Variants in ZNF282 observed in about 807,000 individuals in gnomAD.
The protein encoded by ZNF282 is HTLV-I U5 repressive element-binding protein 1.
A neutral mutation model predicts 61.9 loss-of-function variants in ZNF282; 30 were observed. The ratio of observed to expected loss-of-function variants is 0.48; its 90% CI spans 0.36 to 0.66. The LOEUF is 0.66. Among genes scored for constraint, ZNF282 ranks in the 30% least tolerant of loss-of-function variants. The pLI is 0.00. For synonymous variants in ZNF282, 396 were observed against 405.0 expected (o/e 0.98, Z 0.27); for missense variants, 788 against 941.4 (o/e 0.84, Z 2.13).
intron 7 of ZNF282, among the ~76,000 whole-genome samples, chr7:149,222,734 G>A (rs1418953006): frequency 2.6e-5 from 4 of 152,062 alleles, no homozygotes; most frequent in African/African-American, 4.8e-5. Flanking sequence ...TGCAACCTCC[G>A]CCTCCCAGGT....
chr7:149,204,119 A>G (rs73160375), intron 2 of ZNF282, among the ~76,000 whole-genome samples: 2,284 of 152,216 alleles, frequency 0.015, 24 homozygotes, highest in Middle Eastern at 0.054. Context: ...TCACTCACGT[A>G]CCTGTTGGTG....
Position 149,224,499 on chromosome 7 carries a change from T to C in ZNF282, c.1868T>C (p.Ile623Thr). The part of the protein sequence containing the change: ...RKQNLLKHQR[I>T]HTGERPYTCG... ...CAGAACCTGCTCAAGCACCAGCGCATCCACACGGGCGAGCGCCCCTACACG... is the reference window on the plus strand; with the variant it reads ...CAGAACCTGCTCAAGCACCAGCGCACCCACACGGGCGAGCGCCCCTACACG... The change falls in exon 8 of 8, where the codon ATC (isoleucine) becomes ACC (threonine). Residue 623 changes from isoleucine to threonine, a missense_variant. This residue lies in a region of ZNF282 where 559 missense variants were observed against 642.0 expected (regional missense o/e 0.87). Coordinates refer to ENST00000610704, the MANE Select transcript of ZNF282 (RefSeq NM_003575.4). 1 of 1,612,294 alleles carries C rather than the reference T, an allele frequency of 6.2e-7. No individual in the cohort carries two copies. Among genetic ancestry groups the C allele is most frequent in the Non-Finnish European group, 8.5e-7 (1 of 1,179,666 alleles).
In ZNF282 at chr7:149,195,633, T is replaced by G; in HGVS notation, c.44T>G (p.Ile15Ser). ...CGGCCGCAGCCTCAGCAGCTGGGCA[T>G]CCAGGGCCTGGGGCTGGACAGCGGG... is the stretch of plus-strand genomic sequence containing the variant. The part of the protein sequence containing the change: ...STRPQPQQLG[I>S]QGLGLDSGSW... Residue 15 changes from isoleucine to serine, a missense_variant, in exon 1 of 8, where the codon ATC becomes AGC. Ile to Ser is a moderately radical substitution (Grantham distance 142). Around this residue, in one of 3 missense-constraint regions of ZNF282, gnomAD observed 137 missense variants for 135.4 expected, o/e 1.01. Transcript: ENST00000610704. 6 of 1,609,808 alleles carry G rather than the reference T, an allele frequency of 3.7e-6. No homozygotes were observed. The highest frequency in any genetic ancestry group is 5.1e-6 in the Non-Finnish European group (6 of 1,178,512).
intron 4 of ZNF282, among the ~76,000 whole-genome samples, chr7:149,209,277 G>T (rs1235225267): frequency 6.6e-5 from 10 of 151,570 alleles, no homozygotes; most frequent in Non-Finnish European, 1.2e-4. Context: ...AGCCGAGATT[G>T]TGCCACTGCA....
intron 2 of ZNF282, among the ~76,000 whole-genome samples, chr7:149,206,348 G>A (rs146794077): frequency 2.2e-4 from 33 of 152,242 alleles, no homozygotes; most frequent in African/African-American, 7.5e-4. Flanking sequence ...CCTGGCTCAC[G>A]GATACCCACT....
At chr7:149,205,735 G>C (rs1350376360) in intron 2 of ZNF282, among the ~76,000 whole-genome samples, 1 of 152,190 alleles carries the variant, frequency 6.6e-6, no homozygotes, top group Admixed American at 6.6e-5. Context: ...CTGTGCTCCT[G>C]ACTTTGCCTT....
At chr7:149,223,699 T>C (rs1479956845) in intron 7 of ZNF282, 113 bp from the exon 8 acceptor site, 4 of 1,171,372 alleles carry the variant, frequency 3.4e-6, no homozygotes, top group Non-Finnish European at 4.4e-6. Context: ...CAATCCCTCG[T>C]AGTTAGTGGA....
rs1478639358 is a variant in ZNF282, at chr7:149,203,061, G to T, written c.586-3635G>T. On this transcript the variant is annotated intron_variant, in intron 2 of 7. Transcript: ENST00000610704. ...GAACTGAGTTGTAATCGTGGCTCTG[G>T]TTCCTCAGCAAAACATTTCCTGGCA... is the stretch of plus-strand genomic sequence containing the variant. Among the ~76,000 whole-genome samples, 3 of 152,280 alleles carry T rather than the reference G, an allele frequency of 2.0e-5. No homozygotes were observed. In the East Asian group the frequency reaches 5.8e-4, roughly 29 times the overall value.
chr7:149,199,953 G>A (rs1363033066), intron 2 of ZNF282, among the ~76,000 whole-genome samples: 6 of 152,064 alleles, frequency 3.9e-5, no homozygotes, highest in Admixed American at 3.9e-4. Context: ...CTTCAGCCTA[G>A]ATCACTGTCT....
Position 149,215,676 on chromosome 7 carries a change from T to C in ZNF282, c.1180+1862T>C, listed in dbSNP as rs757281004. ...ATTGGCAGGAACGAGATAGGAACAA[T>C]GTATGTCCTTATTTCAAGTAGAATT... On this transcript the variant is annotated intron_variant, in intron 7 of 7. Transcript: ENST00000610704. Among the ~76,000 whole-genome samples, 24 of 152,204 alleles carry C rather than the reference T, an allele frequency of 1.6e-4. 1 individual carries two copies. Among genetic ancestry groups the C allele is most frequent in the Admixed American group, 3.3e-4 (5 of 15,290 alleles).
chr7:149,197,811 A>G (rs1795842016), intron 1 of ZNF282, among the ~76,000 whole-genome samples: 2 of 152,234 alleles, frequency 1.3e-5, no homozygotes, highest in Admixed American at 1.3e-4. Context: ...GAGCTGCCCC[A>G]GCTGGCAGTG....
At chr7:149,222,444 C>A (rs537077989) in intron 7 of ZNF282, among the ~76,000 whole-genome samples, 1 of 152,084 alleles carries the variant, frequency 6.6e-6, no homozygotes, top group Admixed American at 6.6e-5. Flanking sequence ...ATGGTTTTCA[C>A]CTTGGATAAA....
intron 2 of ZNF282, among the ~76,000 whole-genome samples, chr7:149,201,511 G>A (rs946747791): frequency 2.0e-5 from 3 of 152,114 alleles, no homozygotes; most frequent in African/African-American, 7.2e-5. Context: ...CCAGCACTTT[G>A]GAAGGCCGGG....
rs543386338 is a variant in ZNF282 at position 149,199,594 on chromosome 7, C to T, written c.585+842C>T. Among the ~76,000 whole-genome samples, 166 of 152,276 alleles carry T rather than the reference C, an allele frequency of 1.1e-3. 1 individual carries two copies. The highest frequency in any genetic ancestry group is 1.8e-3 in the Non-Finnish European group (125 of 68,034). On this transcript the variant is annotated intron_variant, in intron 2 of 7. Transcript: ENST00000610704. Reference sequence around the variant, plus strand: ...TCTCCACTCCTCTTTAGAGCAGAACCCCTTGAAAGAGTTGTCTATACTTGT... The same window carrying T: ...TCTCCACTCCTCTTTAGAGCAGAACTCCTTGAAAGAGTTGTCTATACTTGT...
intron 1 of ZNF282, among the ~76,000 whole-genome samples, chr7:149,197,559 G>T (rs938881509): frequency 6.6e-6 from 1 of 152,100 alleles, no homozygotes; most frequent in Non-Finnish European, 1.5e-5. Context: ...TGCAACCTCC[G>T]CTTCCCAGGT....
chr7:149,201,755 A>G (rs1003776781), intron 2 of ZNF282, among the ~76,000 whole-genome samples: 2 of 151,950 alleles, frequency 1.3e-5, no homozygotes, highest in Non-Finnish European at 2.9e-5. Flanking sequence ...CTGTCTTAAA[A>G]AAAACCCAAA....
intron 7 of ZNF282, among the ~76,000 whole-genome samples, chr7:149,220,938 G>A (rs1369029260): frequency 1.3e-5 from 1 of 78,064 alleles, no homozygotes; most frequent in Admixed American, 1.1e-4. Flanking sequence ...TTTTTTTTTT[G>A]AGATAAGGTT....
intron 7 of ZNF282, among the ~76,000 whole-genome samples, chr7:149,216,265 A>G (rs1796159954): frequency 6.6e-6 from 1 of 151,918 alleles, no homozygotes; most frequent in Non-Finnish European, 1.5e-5. Context: ...TGCCTCAGTA[A>G]TTTTTTAAAA....
intron 4 of ZNF282, among the ~76,000 whole-genome samples, chr7:149,208,499 G>A (rs918650463): frequency 3.3e-5 from 5 of 151,696 alleles, no homozygotes; most frequent in South Asian, 2.1e-4. Context: ...CACCATGCCC[G>A]GCCGTGTCCT....
Sources: gnomAD v4.1 joint callset for allele counts (sites outside exome capture counted in the v4.1 genomes callset) on GRCh38, gnomAD v4.1.1 for gene constraint, gnomAD v4.1.1 regional missense constraint, MANE v1.5 for transcripts, NCBI Gene and HGNC (gene_info 2026-07-23, HGNC 2026-07-21) for gene names.